The following ME2 variants were observed in gnomAD, a reference collection of about 807,000 sequenced individuals.
ME2 encodes the protein NAD-dependent malic enzyme, mitochondrial.
In ME2, 60 loss-of-function variants were observed where a neutral mutation model predicts 73.7. That is an observed-to-expected ratio of 0.81 (90% confidence interval 0.66 to 1.01). ME2 has a LOEUF of 1.01. ME2 is among the 50% of genes least tolerant of loss of function. The pLI is 0.00. For synonymous variants in ME2, 199 were observed against 236.9 expected, an observed-to-expected ratio of 0.84 and a Z score of 1.47; for missense variants, 594 against 705.5, an observed-to-expected ratio of 0.84 and a Z score of 1.79.
intron 15 of ME2, among the ~76,000 whole-genome samples, chr18:50,941,349 GTTTCTTTTT>G (rs1917951705): frequency 9.5e-6 from 1 of 105,320 alleles, no homozygotes. Flanking sequence ...ATTTGTGATG[GTTTCTTTTT>G]TTTTTTTTTT....
intron 2 of ME2, among the ~76,000 whole-genome samples, chr18:50,900,589 A>C (rs1242238538): frequency 6.6e-6 from 1 of 152,062 alleles, no homozygotes; most frequent in Non-Finnish European, 1.5e-5. Context: ...GCCAAGAACA[A>C]TTTTAAATTA....
rs371999190 is a variant in ME2 at position 50,920,772 on chromosome 18, G to C, written c.942+14G>C. Reference sequence around the variant, plus strand: ...GGAGCAGGAGAGGTAAGTTTTGAAGGCTTTTTGAAACTTAAGCCTATCCTC... The same window carrying C: ...GGAGCAGGAGAGGTAAGTTTTGAAGCCTTTTTGAAACTTAAGCCTATCCTC... On this transcript the variant is annotated intron_variant, in intron 9 of 15. Coordinates refer to ENST00000321341, the MANE Select transcript of ME2 (RefSeq NM_002396.5). The C allele has an allele frequency of 6.2e-5, 97 of 1,574,368 alleles. No homozygotes were observed. The South Asian group carries it at 1.0e-3, about 16-fold the overall frequency.
At chr18:50,919,676 T>G (rs570583889) in intron 7 of ME2, among the ~76,000 whole-genome samples, 1 of 152,208 alleles carries the variant, frequency 6.6e-6, no homozygotes, top group Admixed American at 6.5e-5. Context: ...CACTCCCGTC[T>G]CCCCACACCA....
chr18:50,911,892 G>A (rs1296036540), intron 3 of ME2, among the ~76,000 whole-genome samples: 3 of 152,174 alleles, frequency 2.0e-5, no homozygotes, highest in Admixed American at 1.3e-4. Flanking sequence ...GAATTGGAGC[G>A]TAGGAGGAAA....
In ME2 at chr18:50,895,874, T is replaced by C. The variant is rs749187952; in HGVS notation, c.54T>C (p.His18=). The C allele has an allele frequency of 1.2e-6, 2 of 1,613,716 alleles. No individual in the cohort carries two copies. Among genetic ancestry groups the C allele is most frequent in the African/African-American group, 2.7e-5 (2 of 74,892 alleles). Reference sequence around the variant, plus strand: ...CCACTTGTACTTTGGCATGTCGACATTTGCACATAAAAGAAAAAGGCAAGC... The same window carrying C: ...CCACTTGTACTTTGGCATGTCGACACTTGCACATAAAAGAAAAAGGCAAGC... ...VSTTCTLACR[H]LHIKEKGKPL... Residue 18 remains histidine (H), a synonymous_variant, in exon 2 of 16, where the codon CAT becomes CAC. Transcript: ENST00000321341.
At chr18:50,925,725 A>G in intron 11 of ME2, 31 bp from the exon 12 acceptor site, 1 of 1,603,542 alleles carries the variant, frequency 6.2e-7, no homozygotes, top group Non-Finnish European at 8.5e-7. Context: ...CCTATAATGA[A>G]GTTGCTGTTT....
At chr18:50,925,410 G>C (rs1355372878) in intron 11 of ME2, among the ~76,000 whole-genome samples, 3 of 152,146 alleles carry the variant, frequency 2.0e-5, no homozygotes, top group Non-Finnish European at 4.4e-5. Flanking sequence ...ACCCAGGAGG[G>C]AGAGGTTGCA....
At position 50,905,385 on chromosome 18, in the gene ME2, C is replaced by T. The variant is rs147320537; in HGVS notation, c.109-2678C>T. Among the ~76,000 whole-genome samples, 684 of 152,300 alleles carry T rather than the reference C, an allele frequency of 4.5e-3. 5 individuals carry two copies. The highest frequency in any genetic ancestry group is 0.016 in the African/African-American group (664 of 41,558). ...ATTCTTTCCCACTTGCTCAAATCTACTGTTGAACCCCTCTGGTAAATTTTT... is the reference window on the plus strand; with the variant it reads ...ATTCTTTCCCACTTGCTCAAATCTATTGTTGAACCCCTCTGGTAAATTTTT... On this transcript the variant is annotated intron_variant, in intron 2 of 15. Coordinates refer to ENST00000321341, the MANE Select transcript of ME2 (RefSeq NM_002396.5).
intron 4 of ME2, among the ~76,000 whole-genome samples, chr18:50,914,598 A>T (rs909175790): frequency 6.6e-6 from 1 of 152,136 alleles, no homozygotes; most frequent in Admixed American, 6.6e-5. Flanking sequence ...TGGTTGATTG[A>T]TCTAAACTTT....
rs1338142452 is a variant in ME2 at position 50,948,557 on chromosome 18, T to C, written c.*1373T>C. On this transcript the variant is annotated 3_prime_UTR_variant, in exon 16 of 16. Transcript: ENST00000321341. ...AAATTGATTCTTTTTTTTTTTTTTTTTTTTTGAGACAGAGTCTCACTCTGT... is the reference window on the plus strand; with the variant it reads ...AAATTGATTCTTTTTTTTTTTTTTTCTTTTTGAGACAGAGTCTCACTCTGT... 2.0e-5 allele frequency: 3 copies of C among 148,210 alleles called. No individual in the cohort carries two copies. The highest frequency in any genetic ancestry group is 7.5e-5 in the African/African-American group (3 of 40,020). The allele number at this position is 148,210 out of a possible 1,614,324, so 9.2% of individuals were successfully genotyped here.
At chr18:50,916,065 C>A in intron 4 of ME2, 103 bp from the exon 5 acceptor site, 1 of 781,078 alleles carries the variant, frequency 1.3e-6, no homozygotes, top group Non-Finnish European at 2.1e-6. Context: ...GAAATTATAC[C>A]ATGTCTTGAT....
intron 10 of ME2, among the ~76,000 whole-genome samples, chr18:50,922,014 A>G (rs886256857): frequency 1.3e-5 from 2 of 152,244 alleles, no homozygotes; most frequent in African/African-American, 4.8e-5. Flanking sequence ...ATATTTTTGT[A>G]TGTACACATT....
In ME2 at chr18:50,881,430, A is replaced by G. The variant is rs143084022; in HGVS notation, c.-13+2122A>G. Reference sequence around the variant, plus strand: ...AAAATTCACACTAAATAAAAATTACATTGACTTTATAAAAAGATAACTTTT... The same window carrying G: ...AAAATTCACACTAAATAAAAATTACGTTGACTTTATAAAAAGATAACTTTT... On this transcript the variant is annotated intron_variant, in intron 1 of 15. Transcript: ENST00000321341. Among the ~76,000 whole-genome samples, 6 of 152,370 alleles carry G rather than the reference A, an allele frequency of 3.9e-5. No individual in the cohort carries two copies. The East Asian group carries it at 1.2e-3, about 29-fold the overall frequency.
Position 50,895,795 on chromosome 18 carries a change from TTTG to T in ME2, c.-12-11_-12-9del. 1 of 1,546,702 alleles carries T rather than the reference TTTG, an allele frequency of 6.5e-7. No homozygotes were observed. Among genetic ancestry groups the T allele is most frequent in the Non-Finnish European group, 8.9e-7 (1 of 1,121,698 alleles). ...TGATTCTCTTCAGTGGTTTATTTGCTTTGTTTTTCTCAGGTGAAAGAAAAGATG... is the reference window on the plus strand; with the variant it reads ...TGATTCTCTTCAGTGGTTTATTTGCTTTTTTCTCAGGTGAAAGAAAAGATG... On this transcript the variant is annotated splice_polypyrimidine_tract_variant and intron_variant, in intron 1 of 15. Coordinates refer to ENST00000321341, the MANE Select transcript of ME2 (RefSeq NM_002396.5).
intron 2 of ME2, among the ~76,000 whole-genome samples, chr18:50,906,519 G>A (rs1238151039): frequency 2.6e-5 from 4 of 152,010 alleles, no homozygotes; most frequent in African/African-American, 4.8e-5. Flanking sequence ...CACCATGTTG[G>A]CCAAGCTGGT....
rs1918265459 is a variant in ME2 at position 50,953,473 on chromosome 18, A to G, written c.*6289A>G. 1.3e-5 allele frequency: 2 copies of G among 152,216 alleles called. No individual in the cohort carries two copies. Among genetic ancestry groups the G allele is most frequent in the South Asian group, 4.1e-4 (2 of 4,830 alleles). 9.4% of individuals were successfully genotyped at this position (152,216 alleles called of 1,614,324 possible). ...AATTCAAATATAATATAAACGTCTT[A>G]TTCATTTAGTCTTCAGCATTTTAAG... On this transcript the variant is annotated 3_prime_UTR_variant, in exon 16 of 16. Coordinates refer to ENST00000321341, the MANE Select transcript of ME2 (RefSeq NM_002396.5).
At chr18:50,885,126 G>C (rs1916427148) in intron 1 of ME2, among the ~76,000 whole-genome samples, 1 of 152,158 alleles carries the variant, frequency 6.6e-6, no homozygotes, top group African/African-American at 2.4e-5. Flanking sequence ...AAAGTGCTGG[G>C]ATTTCAGGCA....
intron 13 of ME2, chr18:50,934,068 C>T (rs1356634647): frequency 6.6e-6 from 1 of 151,908 alleles, no homozygotes; most frequent in Non-Finnish European, 1.5e-5. Context: ...TTTACTTTAT[C>T]CAGTTTACCA....
intron 13 of ME2, among the ~76,000 whole-genome samples, chr18:50,936,084 G>A (rs1863237897): frequency 6.6e-6 from 1 of 151,982 alleles, no homozygotes; most frequent in African/African-American, 2.4e-5. Flanking sequence ...ATTATTGTGA[G>A]GCTTCAGAAT....
Sources: allele counts gnomAD v4.1 joint callset (sites outside exome capture counted in the v4.1 genomes callset), GRCh38; gene constraint gnomAD v4.1.1; transcripts MANE v1.5; gene names NCBI Gene and HGNC (gene_info 2026-07-23, HGNC 2026-07-21).